Variants in CDK5RAP3 observed in about 807,000 individuals in gnomAD.
CDK5RAP3 encodes the protein CDK5 regulatory subunit-associated protein 3.
In CDK5RAP3, 58 loss-of-function variants were observed where a neutral mutation model predicts 73.3. That is an observed-to-expected ratio of 0.79 (90% CI 0.64 to 0.98). CDK5RAP3 has a LOEUF of 0.98. Ranked by LOEUF, CDK5RAP3 falls within the 50% of genes least tolerant of loss-of-function variation. The pLI, the probability that CDK5RAP3 is intolerant of heterozygous loss-of-function variation, is 0.00. For missense variants in CDK5RAP3, 525 were observed against 615.8 expected, an observed-to-expected ratio of 0.85 and a Z score of 1.56; for synonymous variants, 224 against 247.5, an observed-to-expected ratio of 0.91 and a Z score of 0.89.
Position 47,973,978 on chromosome 17 carries a change from A to T in CDK5RAP3, c.232A>T (p.Thr78Ser). 1 of 1,614,180 alleles carries T rather than the reference A, an allele frequency of 6.2e-7. No individual in the cohort carries two copies. The highest frequency in any genetic ancestry group is 8.5e-7 in the Non-Finnish European group (1 of 1,179,998). ...CLRILDLLKG[T>S]EASTKNIFGR... is the part of the protein sequence containing the mutation. ...AAGAATCCTGGACCTTCTCAAAGGCACAGAGGCCTCCACGAAGAATATTTT... is the reference window on the plus strand; with the variant it reads ...AAGAATCCTGGACCTTCTCAAAGGCTCAGAGGCCTCCACGAAGAATATTTT... Residue 78 changes from threonine (T) to serine (S), a missense_variant, in exon 4 of 14, where the codon ACA (threonine) becomes TCA (serine). Thr to Ser is a moderately conservative substitution (Grantham distance 58). Around this residue, in one of 2 missense-constraint regions of CDK5RAP3, gnomAD observed 409 missense variants for 429.8 expected, o/e 0.95. Transcript: ENST00000338399.
intron 9 of CDK5RAP3, 70 bp from the exon 10 acceptor site, chr17:47,977,762 T>C: frequency 7.7e-7 from 1 of 1,299,986 alleles, no homozygotes; most frequent in Non-Finnish European, 1.1e-6. Flanking sequence ...TCAAGGGCTT[T>C]GGTTTATTCT....
upstream of CDK5RAP3, among the ~76,000 whole-genome samples, chr17:47,969,375 T>C (rs775960666): frequency 6.6e-6 from 1 of 151,738 alleles, no homozygotes; most frequent in Non-Finnish European, 1.5e-5. Flanking sequence ...GCTAACACGG[T>C]GAGACCTCGT....
chr17:47,978,133 G>A (rs2036462879), intron 10 of CDK5RAP3: 1 of 414,078 alleles, frequency 2.4e-6, no homozygotes, highest in Non-Finnish European at 4.3e-6. Context: ...GCAATGGCAT[G>A]ATCTCAGCTC....
intron 10 of CDK5RAP3, chr17:47,978,184 C>T (rs2036464109): frequency 3.4e-6 from 1 of 297,298 alleles, no homozygotes; most frequent in East Asian, 8.1e-5. Flanking sequence ...ATTCTCCTGC[C>T]TCAGCCTCCC....
intron 8 of CDK5RAP3, 193 bp from the exon 9 acceptor site, chr17:47,976,519 C>T (rs1284455861): frequency 1.4e-5 from 7 of 487,984 alleles, no homozygotes; most frequent in Non-Finnish European, 2.3e-5. Context: ...ACCACCACTC[C>T]TAGCTAATTT....
At chr17:47,970,908 C>A, upstream of CDK5RAP3, 1 of 1,444,112 alleles carries the variant, frequency 6.9e-7, no homozygotes, top group Non-Finnish European at 9.1e-7. Flanking sequence ...GCCCGCCTCG[C>A]GTCTCCAATT....
At chr17:47,973,732 C>A in intron 3 of CDK5RAP3, 82 bp downstream of exon 3, 2 of 1,559,858 alleles carry the variant, frequency 1.3e-6, no homozygotes, top group Non-Finnish European at 1.8e-6. Flanking sequence ...TGTTATTTAG[C>A]CACCAGGGCT....
At chr17:47,980,979 C>T in intron 12 of CDK5RAP3, 181 bp downstream of exon 12, 1 of 851,060 alleles carries the variant, frequency 1.2e-6, no homozygotes, top group Non-Finnish European at 1.8e-6. Flanking sequence ...GAAGAATCTG[C>T]TTGCTTCCTG....
At chr17:47,976,612 C>T in intron 8 of CDK5RAP3, 100 bp from the exon 9 acceptor site, 3 of 797,274 alleles carry the variant, frequency 3.8e-6, no homozygotes, top group Non-Finnish European at 6.5e-6. Flanking sequence ...AATCCACTAT[C>T]CTCGGCCTCC....
intron 1 of CDK5RAP3, 78 bp downstream of exon 1, chr17:47,971,230 G>A: frequency 6.5e-7 from 1 of 1,528,328 alleles, no homozygotes; most frequent in Non-Finnish European, 8.9e-7. Flanking sequence ...CTCCGGAAGC[G>A]GCTCAACCCA....
chr17:47,981,504 A>G lies in CDK5RAP3; in HGVS notation c.*2A>G, dbSNP rs2036555126. On this transcript the variant is annotated 3_prime_UTR_variant, in exon 14 of 14. Coordinates refer to ENST00000338399, the MANE Select transcript of CDK5RAP3 (RefSeq NM_176096.3). ...AACCTGATGGGAACCTCTCTGTGACACCCTCCGTGTTCTTGCCTGCCCATC... is the reference window on the plus strand; with the variant it reads ...AACCTGATGGGAACCTCTCTGTGACGCCCTCCGTGTTCTTGCCTGCCCATC... 2 of 1,613,910 alleles carry G rather than the reference A, an allele frequency of 1.2e-6. No individual in the cohort carries two copies. Among genetic ancestry groups the G allele is most frequent in the African/African-American group, 1.3e-5 (1 of 74,846 alleles).
chr17:47,971,637 C>T (rs1455691350), intron 2 of CDK5RAP3, among the ~76,000 whole-genome samples: 1 of 152,154 alleles, frequency 6.6e-6, no homozygotes, highest in African/African-American at 2.4e-5. Flanking sequence ...CATATGTTAT[C>T]GTATCATTCA....
intron 3 of CDK5RAP3, 38 bp downstream of exon 3, chr17:47,973,688 G>A (rs751341484): frequency 5.6e-6 from 9 of 1,610,410 alleles, no homozygotes; most frequent in Middle Eastern, 1.6e-4. Context: ...TCCCCTCTTT[G>A]CTGAGGTAGT....
intron 12 of CDK5RAP3, 90 bp downstream of exon 12, chr17:47,980,888 C>T (rs2036537280): frequency 7.4e-7 from 1 of 1,348,426 alleles, no homozygotes; most frequent in East Asian, 2.3e-5. Context: ...CCTTAAACCC[C>T]ATCCCTGCCT....
chr17:47,981,636 C>T lies in CDK5RAP3; in HGVS notation c.*134C>T. The T allele has an allele frequency of 1.3e-6, 2 of 1,565,004 alleles. No homozygotes were observed. The highest frequency in any genetic ancestry group is 1.7e-6 in the Non-Finnish European group (2 of 1,158,962). ...ATGGAAAGCCACAGGAAGGAAGCGG[C>T]ACCTGATGGTGATCTTGGCACTCTC... On this transcript the variant is annotated 3_prime_UTR_variant, in exon 14 of 14. Transcript: ENST00000338399.
At chr17:47,970,486 CTCCTCTTCCCACA>C, upstream of CDK5RAP3, 1 of 629,888 alleles carries the variant, frequency 1.6e-6, no homozygotes, top group South Asian at 1.8e-5. Flanking sequence ...CCACCTAAAA[CTCCTCTTCCCACA>C]TCACCCAGCT....
At chr17:47,976,036 C>G (rs1429864167) in intron 8 of CDK5RAP3, 23 bp downstream of exon 8, 1 of 1,609,318 alleles carries the variant, frequency 6.2e-7, no homozygotes, top group Non-Finnish European at 8.5e-7. Context: ...TTGTGATGAG[C>G]TGTAGGAGTG....
At chr17:47,978,780 C>T in intron 10 of CDK5RAP3, 49 bp from the exon 11 acceptor site, 1 of 1,451,414 alleles carries the variant, frequency 6.9e-7, no homozygotes, top group Non-Finnish European at 9.7e-7. Context: ...GGGTCTTTTC[C>T]TTCTCCAGTC....
At chr17:47,971,921 G>A (rs2036279654) in intron 2 of CDK5RAP3, among the ~76,000 whole-genome samples, 1 of 152,086 alleles carries the variant, frequency 6.6e-6, no homozygotes, top group Non-Finnish European at 1.5e-5. Context: ...CTTGAACCCC[G>A]GAGGCAGAGG....
Sources: allele counts gnomAD v4.1 joint callset (sites outside exome capture counted in the v4.1 genomes callset), GRCh38; gene constraint gnomAD v4.1.1; regional missense constraint gnomAD v4.1.1; transcripts MANE v1.5; gene names NCBI Gene and HGNC (gene_info 2026-07-23, HGNC 2026-07-21).